Variants in PDE11A observed in about 807,000 individuals in gnomAD.
The protein encoded by PDE11A is phosphodiesterase 11A, also known as dual 3',5'-cyclic-AMP and -GMP phosphodiesterase 11A.
In PDE11A, 100 loss-of-function variants were observed where a neutral mutation model predicts 100.5. The observed-to-expected ratio is 1.00, with a 90% CI of 0.85 to 1.18. The LOEUF (loss-of-function observed/expected upper bound fraction) is 1.18. Ranked by LOEUF, PDE11A falls within the 50% of genes most tolerant of loss-of-function variation. The pLI, the probability that PDE11A is intolerant of heterozygous loss-of-function variation, is 0.00. For synonymous variants in PDE11A, 381 were observed against 420.8 expected (o/e 0.91, Z 1.16); for missense variants, 1,141 against 1,152.6 (o/e 0.99, Z 0.15).
rs781775234 is a variant in PDE11A, at chr2:178,071,831, G to C, written c.607C>G (p.Gln203Glu). 6.2e-7 allele frequency: 1 copy of C among 1,613,922 alleles called. No homozygotes were observed. The highest frequency in any genetic ancestry group is 8.5e-7 in the Non-Finnish European group (1 of 1,179,904). Reference sequence around the variant, plus strand: ...TCTTTGACCAATTCCAGAAAGAACTGACGCTCATTATGCTTTTTCAGATGG... The same window carrying C: ...TCTTTGACCAATTCCAGAAAGAACTCACGCTCATTATGCTTTTTCAGATGG... ...KCHLKKHNERQFFLELVKDIS... is the reference protein window; with the variant it reads ...KCHLKKHNEREFFLELVKDIS... Residue 203 changes from glutamine to glutamate, a missense_variant, in exon 1 of 20, where the codon CAG becomes GAG. By Grantham distance (29) the Gln-to-Glu change is conservative (BLOSUM62 2). Coordinates refer to ENST00000286063, the MANE Select transcript of PDE11A (RefSeq NM_016953.4).
At position 177,727,709 on chromosome 2, in the gene PDE11A, G is replaced by A. The variant is rs746483172; in HGVS notation, c.1992C>T (p.His664=). The change falls in exon 12 of 20, where the codon CAC becomes CAT. Residue 664 remains histidine (H), a synonymous_variant. Transcript: ENST00000286063. ...VRKNYRMVLY[H]NWRHAFNVCQ... The stretch of plus-strand genomic sequence containing the variant: ...ACACGTTGAAGGCATGTCTCCAGTT[G>A]TGGTATAGAACCATCCGATAGTTTT... The A allele has an allele frequency of 1.9e-6, 3 of 1,612,138 alleles. No individual in the cohort carries two copies. In the Admixed American group the frequency reaches 5.0e-5, roughly 27 times the overall value.
chr2:177,797,710 C>A (rs73977770), intron 9 of PDE11A, among the ~76,000 whole-genome samples: 1 of 152,086 alleles, frequency 6.6e-6, no homozygotes, highest in African/African-American at 2.4e-5. Context: ...TCTCAAAGTA[C>A]GTTCCTTAGA....
chr2:177,970,147 A>G (rs879683301), intron 2 of PDE11A, among the ~76,000 whole-genome samples: 2 of 152,202 alleles, frequency 1.3e-5, no homozygotes, highest in African/African-American at 4.8e-5. Flanking sequence ...TGATTTGTCC[A>G]GAGACTCGAG....
In PDE11A at chr2:177,794,489, A is replaced by C. The variant is rs147160245; in HGVS notation, c.1737+22340T>G. Among the ~76,000 whole-genome samples the C allele has an allele frequency of 3.2e-3, 483 of 152,254 alleles. 6 individuals are homozygous for C. Among genetic ancestry groups the C allele is most frequent in the African/African-American group, 0.011 (470 of 41,542 alleles). ...TAGGCACTTGCTGGGGATAAAAACA[A>C]ATTTCCCAGAGGCAGGCTCATCGAA... On this transcript the variant is annotated intron_variant, in intron 9 of 19. Coordinates refer to ENST00000286063, the MANE Select transcript of PDE11A (RefSeq NM_016953.4).
intron 1 of PDE11A, among the ~76,000 whole-genome samples, chr2:178,048,592 C>G (rs1380141286): frequency 6.6e-6 from 1 of 152,112 alleles, no homozygotes; most frequent in Non-Finnish European, 1.5e-5. Flanking sequence ...TCCCTTTAAT[C>G]CTTGGGAGTC....
chr2:177,708,250 T>A (rs2365625), intron 13 of PDE11A, among the ~76,000 whole-genome samples: 140,802 of 152,002 alleles, frequency 0.93, 65,614 homozygotes, highest in Non-Finnish European at 0.97. Context: ...GATTGAATTT[T>A]AAAAAATGTG....
chr2:177,796,741 T>A (rs911880693), intron 9 of PDE11A, among the ~76,000 whole-genome samples: 1 of 152,164 alleles, frequency 6.6e-6, no homozygotes, highest in African/African-American at 2.4e-5. Context: ...TAAACACGGC[T>A]TTCATAAGCC....
intron 9 of PDE11A, among the ~76,000 whole-genome samples, chr2:177,805,448 A>G (rs534721140): frequency 8.3e-4 from 126 of 152,254 alleles, no homozygotes; most frequent in African/African-American, 2.9e-3. Flanking sequence ...TTTTCACTGA[A>G]TGACTGTATT....
chr2:178,008,756 C>T (rs1045890414), intron 2 of PDE11A, among the ~76,000 whole-genome samples: 1 of 152,172 alleles, frequency 6.6e-6, no homozygotes, highest in African/African-American at 2.4e-5. Flanking sequence ...GGCAGAGCAG[C>T]ATCATCAGTA....
At chr2:177,694,071 A>C (rs2081077243) in intron 15 of PDE11A, among the ~76,000 whole-genome samples, 1 of 152,210 alleles carries the variant, frequency 6.6e-6, no homozygotes, top group African/African-American at 2.4e-5. Context: ...AACCTCAAAA[A>C]ACAATAATGC....
intron 11 of PDE11A, 44 bp downstream of exon 11, chr2:177,727,979 CGTT>C: frequency 6.4e-7 from 1 of 1,563,320 alleles, no homozygotes; most frequent in Non-Finnish European, 8.8e-7. Context: ...GTGGCTAACA[CGTT>C]GTCCCAGGTG....
intron 15 of PDE11A, among the ~76,000 whole-genome samples, chr2:177,682,893 C>G (rs977403167): frequency 6.6e-6 from 1 of 151,874 alleles, no homozygotes; most frequent in African/African-American, 2.4e-5. Flanking sequence ...AAAAACTACA[C>G]TTTGGAAAAT....
chr2:178,009,623 A>G (rs2086252952), intron 2 of PDE11A, among the ~76,000 whole-genome samples: 2 of 152,170 alleles, frequency 1.3e-5, no homozygotes, highest in Non-Finnish European at 2.9e-5. Flanking sequence ...GTGGCAGGGA[A>G]TGGACTTGGT....
intron 16 of PDE11A, among the ~76,000 whole-genome samples, chr2:177,676,727 C>G (rs746264711): frequency 1.3e-5 from 2 of 152,188 alleles, no homozygotes; most frequent in Non-Finnish European, 2.9e-5. Flanking sequence ...CATTTTTGAC[C>G]TTCTGTATCA....
At position 177,665,248 on chromosome 2, in the gene PDE11A, G is replaced by A. The variant is rs567361086; in HGVS notation, c.2563-1299C>T. The stretch of plus-strand genomic sequence containing the variant: ...GCACTTTGAGAGGTTGGGGCAGGAG[G>A]ATCACTTGAGCCCAAGAGTTCAAGA... On this transcript the variant is annotated intron_variant, in intron 18 of 19. Transcript: ENST00000286063. Among the ~76,000 whole-genome samples, 26 of 150,376 alleles carry A rather than the reference G, an allele frequency of 1.7e-4. No homozygotes were observed. The South Asian group carries it at 5.1e-3, about 29-fold the overall frequency.
chr2:177,710,640 C>G (rs2081346782), intron 13 of PDE11A, among the ~76,000 whole-genome samples: 1 of 152,090 alleles, frequency 6.6e-6, no homozygotes, highest in Non-Finnish European at 1.5e-5. Flanking sequence ...GTCACAGAGA[C>G]TTGGTCAGGA....
rs2105422946 is a variant in PDE11A, at chr2:177,625,917, C to T, written c.*3490G>A. On this transcript the variant is annotated 3_prime_UTR_variant, in exon 20 of 20. Coordinates refer to ENST00000286063, the MANE Select transcript of PDE11A (RefSeq NM_016953.4). ...GCTTCATAGTCATGGAGACACAGAC[C>T]CATGGCATTAGTCAGCAGTTTCTAA... The T allele has an allele frequency of 6.6e-6, 1 of 152,662 alleles. No homozygotes were observed. The highest frequency in any genetic ancestry group is 6.5e-5 in the Admixed American group (1 of 15,302). 9.5% of individuals were successfully genotyped at this position (152,662 alleles called of 1,614,324 possible). A position where few individuals can be genotyped will look rare whatever the true frequency, so the allele number is the denominator to read the frequency against.
At chr2:177,997,989 A>C in intron 2 of PDE11A, 1 of 1,208,996 alleles carries the variant, frequency 8.3e-7, no homozygotes, top group Non-Finnish European at 1.2e-6. Context: ...GCTCACAGAA[A>C]TATGTCACAG....
At chr2:178,018,356 C>A (rs1416937892) in intron 1 of PDE11A, 3 of 487,272 alleles carry the variant, frequency 6.2e-6, no homozygotes, top group South Asian at 3.1e-5. Flanking sequence ...CGGAAAGCTG[C>A]CAAGGCAGGC....
Sources: allele counts gnomAD v4.1 joint callset (sites outside exome capture counted in the v4.1 genomes callset), GRCh38; gene constraint gnomAD v4.1.1; transcripts MANE v1.5; gene names NCBI Gene and HGNC (gene_info 2026-07-23, HGNC 2026-07-21).